CCDC14: variants seen among roughly 807,000 people sequenced by gnomAD.
The protein encoded by CCDC14 is coiled-coil domain-containing protein 14.
A neutral mutation model predicts 81.4 loss-of-function variants in CCDC14; 71 were observed. That is an observed-to-expected ratio of 0.87 (90% confidence interval 0.72 to 1.06). The LOEUF (loss-of-function observed/expected upper bound fraction) is 1.06. CCDC14 is among the 50% of genes least tolerant of loss of function. CCDC14 has a pLI of 0.00. For missense variants in CCDC14, 1,046 were observed against 1,047.3 expected, an observed-to-expected ratio of 1.00 and a Z score of 0.02; for synonymous variants, 332 against 364.8, an observed-to-expected ratio of 0.91 and a Z score of 1.03.
intron 8 of CCDC14, among the ~76,000 whole-genome samples, 192 bp downstream of exon 8, chr3:123,946,611 C>A (rs1406075868): frequency 6.6e-6 from 1 of 152,142 alleles, no homozygotes; most frequent in East Asian, 1.9e-4. Flanking sequence ...CATTCTCAAA[C>A]GCATTTTAAA....
chr3:123,908,463 CTT>C (rs1485149243), downstream of CCDC14, among the ~76,000 whole-genome samples: 4 of 152,214 alleles, frequency 2.6e-5, no homozygotes, highest in Admixed American at 2.0e-4. Context: ...TCACCTGACT[CTT>C]GATCCACTGC....
At chr3:123,938,265 A>C (rs1270426860) in intron 9 of CCDC14, among the ~76,000 whole-genome samples, 1 of 151,874 alleles carries the variant, frequency 6.6e-6, no homozygotes, top group South Asian at 2.1e-4. Flanking sequence ...GATCTGGTTT[A>C]TCTCTCACTT....
chr3:123,948,466 T>G (rs1280172612), intron 7 of CCDC14, among the ~76,000 whole-genome samples: 1 of 152,118 alleles, frequency 6.6e-6, no homozygotes, highest in African/African-American at 2.4e-5. Flanking sequence ...GGTCTTGAAC[T>G]CCAGACCTCG....
chr3:123,953,211 C>A (rs2037131133), intron 5 of CCDC14: 1 of 152,386 alleles, frequency 6.6e-6, no homozygotes, highest in Admixed American at 6.5e-5. Context: ...GCTGTATATA[C>A]CAAAAAAGCA....
chr3:123,920,283 C>T (rs2034967014), intron 12 of CCDC14, among the ~76,000 whole-genome samples: 1 of 152,072 alleles, frequency 6.6e-6, no homozygotes, highest in South Asian at 2.1e-4. Context: ...ATCTGAGAAA[C>T]AGGAGTGCCT....
chr3:123,938,700 A>G (rs990798481), intron 9 of CCDC14, among the ~76,000 whole-genome samples: 1 of 151,994 alleles, frequency 6.6e-6, no homozygotes, highest in African/African-American at 2.4e-5. Context: ...TGCAGAGACA[A>G]AAAAACAAAT....
At chr3:123,889,937 T>C in the CCDC14 span, among the ~76,000 whole-genome samples, 20,921 of 152,170 alleles carry the variant, frequency 0.14, 2,488 homozygotes, top group East Asian at 0.36. Context: ...TTGATAAAGA[T>C]ATACGTGAGA....
At position 123,956,079 on chromosome 3, in the gene CCDC14, A is replaced by G; in HGVS notation, c.196T>C (p.Leu66=). The G allele has an allele frequency of 6.5e-7, 1 of 1,547,752 alleles. No individual in the cohort carries two copies. Among genetic ancestry groups the G allele is most frequent in the South Asian group, 1.2e-5 (1 of 82,402 alleles). The change falls in exon 4 of 13, where the codon TTG becomes CTG. Residue 66 remains leucine (L), a synonymous_variant. Coordinates refer to ENST00000409697, the MANE Select transcript of CCDC14 (RefSeq NM_001366335.1). ...TCATTTCTCAAAATGTCCCTCAGCA[A>G]AGAAGCACAACCATCAAGCCCGTGT... ...TVHGLDGCAS[L]LRDILRNEDS... is the part of the protein sequence containing the mutation.
downstream of CCDC14, among the ~76,000 whole-genome samples, chr3:123,911,954 G>T (rs2034457574): frequency 6.6e-6 from 1 of 152,124 alleles, no homozygotes; most frequent in Non-Finnish European, 1.5e-5. Context: ...CTCCAGGGGT[G>T]GTGGGAATAA....
chr3:123,924,647 T>C (rs573194423), intron 12 of CCDC14, among the ~76,000 whole-genome samples: 21 of 152,126 alleles, frequency 1.4e-4, no homozygotes, highest in African/African-American at 1.9e-4. Flanking sequence ...AAATGGCCAA[T>C]ATGTCTAAGA....
At chr3:123,955,784 T>C (rs2037287739) in intron 5 of CCDC14, 59 bp downstream of exon 5, 1 of 1,378,434 alleles carries the variant, frequency 7.3e-7, no homozygotes. Flanking sequence ...TCCTGATAAT[T>C]GATCAAAATA....
downstream of CCDC14, among the ~76,000 whole-genome samples, chr3:123,896,921 G>A (rs2034073804): frequency 6.6e-6 from 1 of 152,144 alleles, no homozygotes; most frequent in Non-Finnish European, 1.5e-5. Context: ...CATGTGGGCA[G>A]GGGCAGGGAA....
intron 9 of CCDC14, among the ~76,000 whole-genome samples, chr3:123,939,540 T>C (rs137995118): frequency 1.3e-5 from 2 of 151,154 alleles, no homozygotes; most frequent in African/African-American, 2.4e-5. Context: ...TATTTATAAA[T>C]ATCTTAATAT....
At position 123,944,930 on chromosome 3, in the gene CCDC14, G is replaced by T; in HGVS notation, c.1262C>A (p.Thr421Lys). Residue 421 changes from threonine to lysine, a missense_variant, in exon 9 of 13, where the codon ACA becomes AAA. Coordinates refer to ENST00000409697, the MANE Select transcript of CCDC14 (RefSeq NM_001366335.1). ...EMEACISVLPTVSGNTDIQVE... is the reference protein window; with the variant it reads ...EMEACISVLPKVSGNTDIQVE... The stretch of plus-strand genomic sequence containing the variant: ...TTGAATATCTGTGTTTCCACTTACT[G>T]TTGGAAGTACAGATATACATGCCTC... 1 of 1,609,872 alleles carries T rather than the reference G, an allele frequency of 6.2e-7. No individual in the cohort carries two copies. Among genetic ancestry groups the T allele is most frequent in the Non-Finnish European group, 8.5e-7 (1 of 1,176,746 alleles).
At chr3:123,933,450 T>C in intron 10 of CCDC14, 1 of 510,618 alleles carries the variant, frequency 2.0e-6, no homozygotes, top group Non-Finnish European at 3.5e-6. Flanking sequence ...ATAAATCAAT[T>C]ATATATGAAG....
Position 123,931,204 on chromosome 3 carries a change from C to CT in CCDC14, c.1675dup (p.Ser559LysfsTer5). On this transcript the variant is annotated frameshift_variant, in exon 12 of 13. Transcript: ENST00000409697. LOFTEE classifies it high-confidence loss of function. ...AGCAGTTTCTAACTTAAACTGGGAG[C>CT]TTTTCACATTGACTAGGGCTTCCTC... The CT allele has an allele frequency of 6.2e-7, 1 of 1,611,256 alleles. No homozygotes were observed. The highest frequency in any genetic ancestry group is 8.5e-7 in the Non-Finnish European group (1 of 1,179,162).
chr3:123,957,203 A>G (rs1005786691), intron 1 of CCDC14: 1 of 152,152 alleles, frequency 6.6e-6, no homozygotes, highest in African/African-American at 2.4e-5. Context: ...AAAAATACAC[A>G]ATTATAATTT....
intron 9 of CCDC14, among the ~76,000 whole-genome samples, chr3:123,943,163 T>C (rs2036447964): frequency 6.6e-6 from 1 of 152,014 alleles, no homozygotes; most frequent in Non-Finnish European, 1.5e-5. Flanking sequence ...TATATATATA[T>C]GTTTTCATTC....
intron 9 of CCDC14, among the ~76,000 whole-genome samples, chr3:123,940,326 T>C (rs1462754578): frequency 1.3e-5 from 2 of 151,982 alleles, no homozygotes; most frequent in Non-Finnish European, 2.9e-5. Flanking sequence ...TTCTTCTCTT[T>C]TTCTTTTTCT....
Sources: gnomAD v4.1 joint callset for allele counts (sites outside exome capture counted in the v4.1 genomes callset) on GRCh38, gnomAD v4.1.1 for gene constraint, MANE v1.5 for transcripts, NCBI Gene and HGNC (gene_info 2026-07-23, HGNC 2026-07-21) for gene names.